Variants in STK32A observed in about 807,000 individuals in gnomAD.
The protein encoded by STK32A is serine/threonine-protein kinase 32A.
A neutral mutation model predicts 53.2 loss-of-function variants in STK32A; 41 were observed. The observed-to-expected ratio is 0.77, with a 90% CI of 0.60 to 1.00. The LOEUF (loss-of-function observed/expected upper bound fraction) is 1.00, where lower values mean the gene tolerates loss of function less well. Among genes scored for constraint, STK32A ranks in the 50% least tolerant of loss-of-function variants. STK32A has a pLI of 0.00. For synonymous variants in STK32A, 166 were observed against 162.8 expected, an observed-to-expected ratio of 1.02 and a Z score of -0.15; for missense variants, 458 against 485.8, an observed-to-expected ratio of 0.94 and a Z score of 0.54.
At chr5:147,301,620 G>T (rs1215481290) in intron 4 of STK32A, among the ~76,000 whole-genome samples, 1 of 152,138 alleles carries the variant, frequency 6.6e-6, no homozygotes, top group Admixed American at 6.5e-5. Flanking sequence ...AACACAGAAA[G>T]TTCTAATGAA....
At chr5:147,395,730 A>G in the STK32A span, 1 of 1,613,484 alleles carries the variant, frequency 6.2e-7, no homozygotes, top group Non-Finnish European at 8.5e-7. Flanking sequence ...ATCTGCAGCC[A>G]GAGAAGAGCA....
intron 11 of STK32A, 48 bp downstream of exon 11, chr5:147,375,266 G>A (rs1258982397): frequency 6.3e-7 from 1 of 1,586,170 alleles, no homozygotes; most frequent in South Asian, 1.2e-5. Context: ...CCCCATGATG[G>A]CTGCAATATC....
intron 8 of STK32A, among the ~76,000 whole-genome samples, chr5:147,365,810 A>T (rs73794704): frequency 0.035 from 5,290 of 152,208 alleles, 290 homozygotes; most frequent in African/African-American, 0.12. Flanking sequence ...TATTCTTCAA[A>T]CATGCCTAGG....
intron 4 of STK32A, among the ~76,000 whole-genome samples, chr5:147,284,696 C>CAAAAAAAAAAAAA (rs869167577): frequency 3.9e-5 from 2 of 51,650 alleles, no homozygotes; most frequent in East Asian, 4.5e-4. Context: ...CAAGACAAAA[C>CAAAAAAAAAAAAA]AAAAAAACAA....
intron 4 of STK32A, among the ~76,000 whole-genome samples, chr5:147,292,500 C>A (rs1752644141): frequency 6.6e-6 from 1 of 151,614 alleles, no homozygotes; most frequent in South Asian, 2.1e-4. Flanking sequence ...CTAAATAGCT[C>A]AAAAAAAATT....
chr5:147,288,431 C>A (rs1328136981), intron 4 of STK32A, among the ~76,000 whole-genome samples: 1 of 152,156 alleles, frequency 6.6e-6, no homozygotes, highest in Non-Finnish European at 1.5e-5. Context: ...GTGTATTAGT[C>A]AGTTCTCACA....
At chr5:147,319,508 T>C (rs1754193301) in intron 4 of STK32A, among the ~76,000 whole-genome samples, 1 of 152,134 alleles carries the variant, frequency 6.6e-6, no homozygotes, top group Non-Finnish European at 1.5e-5. Flanking sequence ...TGCTGTGTTG[T>C]TATGGTGAAT....
chr5:147,247,975 G>T (rs1753826114), intron 2 of STK32A, among the ~76,000 whole-genome samples: 1 of 151,972 alleles, frequency 6.6e-6, no homozygotes, highest in South Asian at 2.1e-4. Flanking sequence ...TACAAAATTA[G>T]CTGGGTGTGG....
chr5:147,321,108 G>A (rs916901982), intron 4 of STK32A, among the ~76,000 whole-genome samples: 1 of 152,160 alleles, frequency 6.6e-6, no homozygotes, highest in Admixed American at 6.5e-5. Context: ...CTTCCTTACT[G>A]AGCACACTTT....
chr5:147,257,946 G>A (rs1299851564), intron 2 of STK32A, among the ~76,000 whole-genome samples: 1 of 151,826 alleles, frequency 6.6e-6, no homozygotes, highest in African/African-American at 2.4e-5. Flanking sequence ...ATTTCCTTTA[G>A]CACCTATTTT....
intron 4 of STK32A, among the ~76,000 whole-genome samples, chr5:147,318,152 C>T (rs1754103804): frequency 6.6e-6 from 1 of 152,054 alleles, no homozygotes. Context: ...ACCTAAGCAG[C>T]TGTATACTAT....
At chr5:147,337,603 C>G (rs370131525) in intron 5 of STK32A, among the ~76,000 whole-genome samples, 4 of 152,010 alleles carry the variant, frequency 2.6e-5, no homozygotes, top group African/African-American at 7.2e-5. Context: ...AATAGTTACT[C>G]GAGCACCTAC....
chr5:147,317,670 A>G (rs1176259588), intron 4 of STK32A, among the ~76,000 whole-genome samples: 1 of 152,250 alleles, frequency 6.6e-6, no homozygotes, highest in Admixed American at 6.5e-5. Context: ...ATAAAAGAAT[A>G]ATAGTTGGTC....
Position 147,239,665 on chromosome 5 carries a change from G to C in STK32A, c.31G>C (p.Val11Leu). The part of the protein sequence containing the change: MGANTSRKPP[V>L]FDENEDVNFD... ...AGCGAACACTTCAAGAAAACCACCAGTGTTTGATGAAAATGAAGATGGTAA... is the reference window on the plus strand; with the variant it reads ...AGCGAACACTTCAAGAAAACCACCACTGTTTGATGAAAATGAAGATGGTAA... Residue 11 changes from valine (V) to leucine (L), a missense_variant, in exon 2 of 13, where the codon GTG (valine) becomes CTG (leucine). Transcript: ENST00000397936. 6.2e-7 allele frequency: 1 copy of C among 1,609,194 alleles called. No homozygotes were observed. The highest frequency in any genetic ancestry group is 8.5e-7 in the Non-Finnish European group (1 of 1,177,780).
the STK32A span, among the ~76,000 whole-genome samples, chr5:147,395,193 C>G: frequency 6.6e-6 from 1 of 152,192 alleles, no homozygotes; most frequent in South Asian, 2.1e-4. Flanking sequence ...ATCTTTTAAT[C>G]TGGACAAATA....
At chr5:147,348,884 C>T (rs1396649760) in intron 6 of STK32A, 1 of 612,824 alleles carries the variant, frequency 1.6e-6, no homozygotes, top group East Asian at 2.9e-5. Context: ...CTAATAACCT[C>T]TTGAGAAGAC....
At chr5:147,345,347 G>T (rs192035150) in intron 6 of STK32A, among the ~76,000 whole-genome samples, 3 of 152,302 alleles carry the variant, frequency 2.0e-5, no homozygotes, top group South Asian at 4.2e-4. Context: ...CTGTCACAAA[G>T]AAATCACTCA....
At chr5:147,360,386 G>C (rs182253598) in intron 7 of STK32A, among the ~76,000 whole-genome samples, 1 of 148,846 alleles carries the variant, frequency 6.7e-6, no homozygotes, top group East Asian at 2.0e-4. Context: ...GGGAGGTCGA[G>C]GCTGCAGTGA....
intron 5 of STK32A, among the ~76,000 whole-genome samples, chr5:147,326,988 G>A (rs546924212): frequency 2.5e-3 from 375 of 152,086 alleles, no homozygotes; most frequent in African/African-American, 8.8e-3. Context: ...CAAAACTCTG[G>A]GATTACAGGT....
Sources: allele counts gnomAD v4.1 joint callset (sites outside exome capture counted in the v4.1 genomes callset), GRCh38; gene constraint gnomAD v4.1.1; transcripts MANE v1.5; gene names NCBI Gene and HGNC (gene_info 2026-07-23, HGNC 2026-07-21).